The following SLC18A1 variants were observed in gnomAD, a reference collection of about 807,000 sequenced individuals.
SLC18A1 encodes solute carrier family 18 member A1, also known as chromaffin granule amine transporter.
In SLC18A1, 69 loss-of-function variants were observed where a neutral mutation model predicts 53.7. That is an observed-to-expected ratio of 1.28 (90% CI 1.06 to 1.57). SLC18A1 has a LOEUF of 1.57. Ranked by LOEUF, SLC18A1 falls within the 40% of genes most tolerant of loss-of-function variation. SLC18A1 has a pLI of 0.00. For synonymous variants in SLC18A1, 320 were observed against 248.1 expected (o/e 1.29, Z -2.72); for missense variants, 932 against 668.1 (o/e 1.40, Z -4.35).
chr8:20,175,210 C>T (rs935045701), intron 4 of SLC18A1: 8 of 152,174 alleles, frequency 5.3e-5, no homozygotes, highest in Non-Finnish European at 8.8e-5. Flanking sequence ...TGGTTATCTC[C>T]CCTTGCTCCC....
chr8:20,149,539 T>C, intron 12 of SLC18A1, 137 bp downstream of exon 12: 1 of 696,864 alleles, frequency 1.4e-6, no homozygotes, highest in Non-Finnish European at 2.4e-6. Context: ...TCTGCTCATC[T>C]TAAAGGAAAT....
chr8:20,172,780 C>T lies in SLC18A1; in HGVS notation c.724+256G>A, dbSNP rs371932631. Reference sequence around the variant, plus strand: ...GGTGCTGTGTGCATGGGAACCGAGGCGAAGCAGTGGCCTCTAAATCGGGGA... The same window carrying T: ...GGTGCTGTGTGCATGGGAACCGAGGTGAAGCAGTGGCCTCTAAATCGGGGA... On this transcript the variant is annotated intron_variant, in intron 6 of 15. Coordinates refer to ENST00000276373, the MANE Select transcript of SLC18A1 (RefSeq NM_003053.4). 8.5e-5 allele frequency among the ~76,000 whole-genome samples: 13 copies of T among 152,282 alleles called. No homozygotes were observed. In the South Asian group the frequency reaches 1.5e-3, roughly 17 times the overall value.
chr8:20,180,140 G>GTGTGTGTT (rs1478272311), intron 2 of SLC18A1, among the ~76,000 whole-genome samples: 1 of 151,768 alleles, frequency 6.6e-6, no homozygotes, highest in African/African-American at 2.4e-5. Context: ...GTGTGTGTGT[G>GTGTGTGTT]TGTTTCCCTG....
chr8:20,170,817 C>A (rs1372955337), intron 8 of SLC18A1, among the ~76,000 whole-genome samples: 2 of 145,002 alleles, frequency 1.4e-5, no homozygotes, highest in African/African-American at 5.1e-5. Context: ...ATATACATAC[C>A]CCATATATGT....
chr8:20,166,298 T>C (rs1166019175), intron 8 of SLC18A1, among the ~76,000 whole-genome samples: 2 of 95,322 alleles, frequency 2.1e-5, no homozygotes, highest in African/African-American at 4.3e-5. Context: ...TCTATATATA[T>C]ATATATATAT....
Position 20,171,141 on chromosome 8 carries a change from G to T in SLC18A1, c.820C>A (p.Gln274Lys). The change falls in exon 8 of 16, where the codon CAG becomes AAG. Residue 274 changes from glutamine (Q) to lysine (K), a missense_variant. Gln to Lys is a moderately conservative substitution (Grantham distance 53). Coordinates refer to ENST00000276373, the MANE Select transcript of SLC18A1 (RefSeq NM_003053.4). Reference protein sequence around the residue: ...AFLALLDGALQLCILQPSKVS... With the variant: ...AFLALLDGALKLCILQPSKVS... ...TTGGAAGGCTGTAGGATGCAAAGCT[G>T]GAGTGCTAAGAAACAAAGAAGGTGA... 6.2e-7 allele frequency: 1 copy of T among 1,614,160 alleles called. No individual in the cohort carries two copies. The highest frequency in any genetic ancestry group is 1.1e-5 in the South Asian group (1 of 91,076).
At chr8:20,172,887 T>A in intron 6 of SLC18A1, 149 bp downstream of exon 6, 1 of 643,908 alleles carries the variant, frequency 1.6e-6, no homozygotes, top group South Asian at 1.9e-5. Flanking sequence ...GAGAAGGAAA[T>A]TTAACCTTTT....
At chr8:20,172,885 A>C (rs2072158758) in intron 6 of SLC18A1, 151 bp downstream of exon 6, 3 of 641,812 alleles carry the variant, frequency 4.7e-6, no homozygotes, top group South Asian at 1.9e-5. Flanking sequence ...AGGAGAAGGA[A>C]ATTTAACCTT....
intron 12 of SLC18A1, among the ~76,000 whole-genome samples, chr8:20,149,105 G>A (rs2071479818): frequency 6.6e-6 from 1 of 152,142 alleles, no homozygotes; most frequent in Non-Finnish European, 1.5e-5. Context: ...TCAGGCCTAG[G>A]AGGTTTGTGT....
chr8:20,164,459 A>G (rs1243360511), intron 10 of SLC18A1, among the ~76,000 whole-genome samples: 1 of 152,164 alleles, frequency 6.6e-6, no homozygotes, highest in Non-Finnish European at 1.5e-5. Context: ...TTTTCACCTC[A>G]TATGTCATTT....
rs1554533897 is a variant in SLC18A1, at chr8:20,149,577, T to TCTCTCTCC, written c.1146+98_1146+99insGGAGAGAG. On this transcript the variant is annotated intron_variant, in intron 12 of 15. Transcript: ENST00000276373. ...GTCTTTAAATGTCTGTGTCTTTCTC[T>TCTCTCTCC]CTCTCTCTCTCCCTCTCTCTCTCTC... 57 of 991,074 alleles carry TCTCTCTCC rather than the reference T, an allele frequency of 5.8e-5. No homozygotes were observed. The East Asian group carries it at 1.1e-3, about 19-fold the overall frequency. 61.4% of individuals were successfully genotyped at this position (991,074 alleles called of 1,614,324 possible).
At chr8:20,180,749 A>T in intron 2 of SLC18A1, 92 bp downstream of exon 2, 1 of 1,500,508 alleles carries the variant, frequency 6.7e-7, no homozygotes, top group Non-Finnish European at 9.1e-7. Context: ...GAAAATTCTC[A>T]GATGGATTCA....
At chr8:20,167,401 A>T (rs2071995429) in intron 8 of SLC18A1, among the ~76,000 whole-genome samples, 1 of 152,026 alleles carries the variant, frequency 6.6e-6, no homozygotes, top group South Asian at 2.1e-4. Context: ...TAGGTGTTTC[A>T]CCTATTTGTA....
chr8:20,179,409 C>G lies in SLC18A1; in HGVS notation c.200G>C (p.Gly67Ala). The change falls in exon 3 of 16, where the codon GGA (glycine) becomes GCA (alanine). Residue 67 changes from glycine to alanine, a missense_variant. Transcript: ENST00000276373. ...VNSSLHLGHA[G>A]SSPHALASPA... ...AGAGGCGAGGGCATGTGGGGAACTT[C>G]CGGCATGGCCGAGGTGCAGAGAAGA... 2 of 1,614,048 alleles carry G rather than the reference C, an allele frequency of 1.2e-6. No homozygotes were observed. The highest frequency in any genetic ancestry group is 1.7e-6 in the Non-Finnish European group (2 of 1,180,030).
intron 15 of SLC18A1, among the ~76,000 whole-genome samples, chr8:20,146,652 A>G (rs1381346462): frequency 6.6e-6 from 1 of 152,048 alleles, no homozygotes; most frequent in East Asian, 1.9e-4. Flanking sequence ...GATAAACCCC[A>G]TCTCTACTAA....
chr8:20,181,630 A>T (rs929980162), intron 1 of SLC18A1: 2 of 152,166 alleles, frequency 1.3e-5, no homozygotes, highest in Non-Finnish European at 2.9e-5. Flanking sequence ...TGTTTCAAAA[A>T]GTTATTTTAT....
At chr8:20,146,783 T>G in intron 15 of SLC18A1, among the ~76,000 whole-genome samples, 1 of 148,824 alleles carries the variant, frequency 6.7e-6, no homozygotes, top group Non-Finnish European at 1.5e-5. Context: ...GAGATCACAC[T>G]ATTACACTCC....
rs2270650 is a variant in SLC18A1 at position 20,150,501 on chromosome 8, C to T, written c.1094+165G>A. ...AGGACAATCCATTCTCCATACCACC[C>T]TCACCACTCACTCACTGCCCATCCT... On this transcript the variant is annotated intron_variant, in intron 11 of 15. Coordinates refer to ENST00000276373, the MANE Select transcript of SLC18A1 (RefSeq NM_003053.4). Among the ~76,000 whole-genome samples, 45,670 of 152,096 alleles carry T rather than the reference C, an allele frequency of 0.3. 7,715 individuals are homozygous for T. Among genetic ancestry groups the T allele is most frequent in the Non-Finnish European group, 0.38 (25,574 of 67,968 alleles).
intron 11 of SLC18A1, 33 bp downstream of exon 11, chr8:20,150,633 C>G (rs1164988908): frequency 1.3e-6 from 2 of 1,580,410 alleles, no homozygotes; most frequent in Non-Finnish European, 1.7e-6. Flanking sequence ...TCTTACATTT[C>G]TACTGTTCGT....
Sources: gnomAD v4.1 joint callset for allele counts (sites outside exome capture counted in the v4.1 genomes callset) on GRCh38, gnomAD v4.1.1 for gene constraint, MANE v1.5 for transcripts, NCBI Gene and HGNC (gene_info 2026-07-23, HGNC 2026-07-21) for gene names.